PRPF38A: variants seen among roughly 807,000 people sequenced by gnomAD.
PRPF38A encodes pre-mRNA processing factor 38A, also known as pre-mRNA-splicing factor 38A.
A neutral mutation model predicts 46.8 loss-of-function variants in PRPF38A; 11 were observed. The observed-to-expected ratio is 0.24, with a 90% confidence interval of 0.15 to 0.39. The LOEUF (loss-of-function observed/expected upper bound fraction) is 0.39, where lower values mean the gene tolerates loss of function less well. Ranked by LOEUF, PRPF38A falls within the 10% of genes least tolerant of loss-of-function variation. PRPF38A has a pLI of 1.00. For synonymous variants in PRPF38A, 124 were observed against 136.2 expected, an observed-to-expected ratio of 0.91 and a Z score of 0.62; for missense variants, 261 against 407.5, an observed-to-expected ratio of 0.64 and a Z score of 3.10.
intron 1 of PRPF38A, among the ~76,000 whole-genome samples, chr1:52,405,391 T>C (rs1487778622): frequency 6.6e-6 from 1 of 152,252 alleles, no homozygotes; most frequent in East Asian, 1.9e-4. Context: ...TCACTTTACC[T>C]TTCTTAGCCC....
chr1:52,416,082 G>A (rs978140582), intron 9 of PRPF38A, among the ~76,000 whole-genome samples: 5 of 151,696 alleles, frequency 3.3e-5, no homozygotes, highest in African/African-American at 4.8e-5. Flanking sequence ...CTTGTGATCC[G>A]CCCACCTCGG....
intron 3 of PRPF38A, among the ~76,000 whole-genome samples, chr1:52,410,085 T>C (rs928076835): frequency 6.7e-6 from 1 of 148,848 alleles, no homozygotes; most frequent in Non-Finnish European, 1.5e-5. Flanking sequence ...TATAATTATA[T>C]TTACATACAA....
rs1250823399 is a variant in PRPF38A, at chr1:52,414,915, G to A, written c.847+56G>A. The A allele has an allele frequency of 5.9e-6, 9 of 1,527,416 alleles. No homozygotes were observed. The Admixed American group carries it at 8.4e-5, about 14-fold the overall frequency. The allele number at this position is 1,527,416 out of a possible 1,614,324, so 94.6% of individuals were successfully genotyped here. A position where few individuals can be genotyped will look rare whatever the true frequency, so the allele number is the denominator to read the frequency against. Reference sequence around the variant, plus strand: ...GTCTTAACAAAGAAATGTAAAAGGAGTAGTTAGCCTCCTGCAGTACAGGAG... The same window carrying A: ...GTCTTAACAAAGAAATGTAAAAGGAATAGTTAGCCTCCTGCAGTACAGGAG... On this transcript the variant is annotated intron_variant, in intron 8 of 9. Transcript: ENST00000257181.
At chr1:52,410,051 A>G (rs958244823) in intron 3 of PRPF38A, among the ~76,000 whole-genome samples, 3 of 148,974 alleles carry the variant, frequency 2.0e-5, no homozygotes, top group Non-Finnish European at 3.0e-5. Flanking sequence ...ATATGTGTAT[A>G]TACACACACA....
chr1:52,415,657 C>G (rs1005144834), intron 9 of PRPF38A, among the ~76,000 whole-genome samples: 1 of 150,658 alleles, frequency 6.6e-6, no homozygotes, highest in Non-Finnish European at 1.5e-5. Context: ...CAAGCTGATA[C>G]CTGTTTTGCT....
At chr1:52,411,232 C>T (rs1195640846) in intron 4 of PRPF38A, 32 bp downstream of exon 4, 1 of 1,496,946 alleles carries the variant, frequency 6.7e-7, no homozygotes, top group Non-Finnish European at 9.3e-7. Context: ...CCAGAGTCAC[C>T]CTTCTCTTCC....
chr1:52,412,653 A>T, intron 5 of PRPF38A, 29 bp downstream of exon 5: 1 of 1,371,310 alleles, frequency 7.3e-7, no homozygotes, highest in Non-Finnish European at 1.0e-6. Context: ...TTATGGTTGT[A>T]GGGGAGGGAG....
rs1648245569 is a variant in PRPF38A at position 52,414,835 on chromosome 1, C to T, written c.823C>T (p.His275Tyr). ...CCGCAGCAGGTCCCGAGATCGGCGG[C>T]ACAGATCCCGTTCCAAGTCCCCAGG... ...RHRSRSRDRR[H>Y]RSRSKSPGHH... Residue 275 changes from histidine to tyrosine, a missense_variant, in exon 8 of 10, where the codon CAC (histidine) becomes TAC (tyrosine). Coordinates refer to ENST00000257181, the MANE Select transcript of PRPF38A (RefSeq NM_032864.4). 6.2e-7 allele frequency: 1 copy of T among 1,613,998 alleles called. No individual in the cohort carries two copies.
chr1:52,407,265 C>T (rs984902855), intron 2 of PRPF38A, among the ~76,000 whole-genome samples: 2 of 152,232 alleles, frequency 1.3e-5, no homozygotes, highest in African/African-American at 2.4e-5. Flanking sequence ...GACCCACCTG[C>T]CTCGCCTCCC....
intron 5 of PRPF38A, 43 bp from the exon 6 acceptor site, chr1:52,413,836 T>A (rs770761449): frequency 1.5e-6 from 2 of 1,322,444 alleles, no homozygotes; most frequent in East Asian, 4.6e-5. Flanking sequence ...GATGGCTCTT[T>A]ATAAGCCTGT....
At chr1:52,407,002 A>G (rs1040024983) in intron 2 of PRPF38A, among the ~76,000 whole-genome samples, 16 of 152,304 alleles carry the variant, frequency 1.1e-4, no homozygotes, top group Middle Eastern at 3.4e-3. Context: ...TAGATATAGG[A>G]AAAAGGGAAG....
intron 5 of PRPF38A, among the ~76,000 whole-genome samples, chr1:52,412,862 C>T (rs1215237860): frequency 1.3e-5 from 2 of 151,968 alleles, no homozygotes; most frequent in South Asian, 2.1e-4. Flanking sequence ...AATTAGCCAG[C>T]GTTGTGGTGG....
At chr1:52,407,781 C>T (rs1451982371) in intron 2 of PRPF38A, among the ~76,000 whole-genome samples, 1 of 151,804 alleles carries the variant, frequency 6.6e-6, no homozygotes, top group African/African-American at 2.4e-5. Context: ...ATATGCCAGG[C>T]ATGGTTGCTA....
intron 2 of PRPF38A, 88 bp downstream of exon 2, chr1:52,405,927 A>G (rs1647975159): frequency 1.8e-6 from 2 of 1,084,802 alleles, no homozygotes; most frequent in Non-Finnish European, 1.4e-6. Flanking sequence ...TACACAATGT[A>G]TCTCATTTCT....
rs1369792400 is a variant in PRPF38A, at chr1:52,405,858, A to G, written c.290+19A>G. The G allele has an allele frequency of 1.2e-6, 2 of 1,607,630 alleles. No individual in the cohort carries two copies. Among genetic ancestry groups the G allele is most frequent in the South Asian group, 1.1e-5 (1 of 90,942 alleles). On this transcript the variant is annotated intron_variant, in intron 2 of 9. Coordinates refer to ENST00000257181, the MANE Select transcript of PRPF38A (RefSeq NM_032864.4). ...ATTTCAAGTGAGTGCAATGTTCACT[A>G]GCTAATATAAGAGGTTTAATTTTGG...
chr1:52,416,604 T>C lies in PRPF38A; in HGVS notation c.897-44T>C, dbSNP rs762524544. ...GATTACAGGCGTGAGCCACCGTGCC[T>C]GGCTGCTTCTTAATATAATTATTTA... is the stretch of plus-strand genomic sequence containing the variant. On this transcript the variant is annotated intron_variant, in intron 9 of 9. Transcript: ENST00000257181. The C allele has an allele frequency of 5.2e-6, 8 of 1,538,528 alleles. No individual in the cohort carries two copies. The Admixed American group carries it at 6.7e-5, about 13-fold the overall frequency.
rs775589898 is a variant in PRPF38A at position 52,413,922 on chromosome 1, G to C, written c.653G>C (p.Arg218Pro). The C allele has an allele frequency of 8.1e-6, 13 of 1,613,786 alleles. No homozygotes were observed. The highest frequency in any genetic ancestry group is 1.3e-5 in the African/African-American group (1 of 74,844). Reference protein sequence around the residue: ...PSPDHRRRSYRDLDKPRRSPT... With the variant: ...PSPDHRRRSYPDLDKPRRSPT... Reference sequence around the variant, plus strand: ...CCTGATCACCGCCGGAGAAGCTACCGAGACTTGGACAAGCCCCGTCGCTCT... The same window carrying C: ...CCTGATCACCGCCGGAGAAGCTACCCAGACTTGGACAAGCCCCGTCGCTCT... Residue 218 changes from arginine to proline, a missense_variant, in exon 6 of 10, where the codon CGA becomes CCA. Transcript: ENST00000257181.
intron 5 of PRPF38A, among the ~76,000 whole-genome samples, chr1:52,412,977 G>A (rs1648187741): frequency 6.6e-6 from 1 of 150,612 alleles, no homozygotes; most frequent in Admixed American, 6.6e-5. Context: ...ACTCCAGCTT[G>A]GGCAAAAGTG....
chr1:52,410,474 T>TAC lies in PRPF38A; in HGVS notation c.413-627_413-626dup, dbSNP rs1222885777. Among the ~76,000 whole-genome samples, 174 of 149,588 alleles carry TAC rather than the reference T, an allele frequency of 1.2e-3. 1 individual carries two copies. Among genetic ancestry groups the TAC allele is most frequent in the South Asian group, 3.4e-3 (16 of 4,758 alleles). ...ATATATATAGATGTATATATATATA[T>TAC]ACACACACACACACATATATATAGA... is the stretch of plus-strand genomic sequence containing the variant. On this transcript the variant is annotated intron_variant, in intron 3 of 9. Coordinates refer to ENST00000257181, the MANE Select transcript of PRPF38A (RefSeq NM_032864.4).
Sources: allele counts gnomAD v4.1 joint callset (sites outside exome capture counted in the v4.1 genomes callset), GRCh38; gene constraint gnomAD v4.1.1; transcripts MANE v1.5; gene names NCBI Gene and HGNC (gene_info 2026-07-23, HGNC 2026-07-21).